Variants in DNAH5 observed in about 807,000 individuals in gnomAD.
DNAH5 encodes axonemal beta dynein heavy chain 5.
In DNAH5, 372 loss-of-function variants were observed where a neutral mutation model predicts 518.2. That is an observed-to-expected ratio of 0.72 (90% CI 0.66 to 0.78). The LOEUF (loss-of-function observed/expected upper bound fraction) is 0.78, where lower values mean the gene tolerates loss of function less well. Among genes scored for constraint, DNAH5 ranks in the 30% least tolerant of loss-of-function variants. DNAH5 has a pLI of 0.00. For missense variants in DNAH5, 5,523 were observed against 5,687.0 expected (o/e 0.97, Z 0.93); for synonymous variants, 2,039 against 2,025.9 (o/e 1.01, Z -0.17).
intron 1 of DNAH5, among the ~76,000 whole-genome samples, chr5:13,979,902 G>A (rs1462967665): frequency 6.7e-6 from 1 of 149,884 alleles, no homozygotes; most frequent in African/African-American, 2.5e-5. Context: ...GTGCAGTGGA[G>A]CAATTTGGCT....
At position 13,708,262 on chromosome 5, in the gene DNAH5, A is replaced by G. The variant is rs1432614095; in HGVS notation, c.13199T>C (p.Met4400Thr). Residue 4400 changes from methionine (M) to threonine (T), a missense_variant, in exon 76 of 79, where the codon ATG becomes ACG. This residue lies in a region of DNAH5 where 387 missense variants were observed against 430.0 expected (regional missense o/e 0.90). Transcript: ENST00000265104. ...GCGGACAAGGCTGAGTACCCTTTGC[A>G]TTCTGTCTATTTCCTGCCTGAGGAA... ...NIFLRQEIDR[M>T]QRVLSLVRST... 25 of 1,614,004 alleles carry G rather than the reference A, an allele frequency of 1.5e-5. No homozygotes were observed. The highest frequency in any genetic ancestry group is 1.9e-5 in the Non-Finnish European group (23 of 1,180,012).
At chr5:13,766,941 CT>C (rs1752588148) in intron 58 of DNAH5, among the ~76,000 whole-genome samples, 1 of 152,158 alleles carries the variant, frequency 6.6e-6, no homozygotes, top group African/African-American at 2.4e-5. Context: ...CCTTCCAGAT[CT>C]TCAAAACATC....
At position 13,866,116 on chromosome 5, in the gene DNAH5, A is replaced by C. The variant is rs11958084; in HGVS notation, c.4116+104T>G. 2,391 of 1,080,378 alleles carry C rather than the reference A, an allele frequency of 2.2e-3. 35 individuals carry two copies. In the African/African-American group the frequency reaches 0.033, roughly 15 times the overall value. 66.9% of individuals were successfully genotyped at this position (1,080,378 alleles called of 1,614,324 possible). On this transcript the variant is annotated intron_variant, in intron 26 of 78. Coordinates refer to ENST00000265104, the MANE Select transcript of DNAH5 (RefSeq NM_001369.3). ...TATTTTTAATGCAAGTACATACCAT[A>C]TTCCACAATAGGGCCCTCTATCTTA...
intron 31 of DNAH5, among the ~76,000 whole-genome samples, chr5:13,848,385 C>G (rs1047904413): frequency 6.6e-6 from 1 of 152,164 alleles, no homozygotes. Context: ...TTTTTGCCAC[C>G]AGGGACCAAT....
intron 78 of DNAH5, among the ~76,000 whole-genome samples, chr5:13,693,537 C>T (rs1336912426): frequency 1.3e-5 from 2 of 152,130 alleles, no homozygotes; most frequent in Non-Finnish European, 2.9e-5. Flanking sequence ...ATCCTAAAGC[C>T]GTGATTCTTA....
chr5:13,749,205 C>A (rs2030759636), intron 65 of DNAH5, among the ~76,000 whole-genome samples: 1 of 151,948 alleles, frequency 6.6e-6, no homozygotes, highest in Non-Finnish European at 1.5e-5. Flanking sequence ...CGTTATAATG[C>A]TGTTCACATT....
At chr5:13,744,169 C>G (rs1749011695) in intron 65 of DNAH5, among the ~76,000 whole-genome samples, 1 of 151,880 alleles carries the variant, frequency 6.6e-6, no homozygotes, top group African/African-American at 2.4e-5. Context: ...GAATAAAATC[C>G]TGTCATTCAC....
At chr5:13,999,555 T>C (rs1293894629) in intron 1 of DNAH5, among the ~76,000 whole-genome samples, 1 of 152,254 alleles carries the variant, frequency 6.6e-6, no homozygotes, top group Non-Finnish European at 1.5e-5. Context: ...TATTCCACTG[T>C]ATGTATACAG....
At position 13,751,197 on chromosome 5, in the gene DNAH5, A is replaced by G. The variant is rs1489390120; in HGVS notation, c.11092T>C (p.Leu3698=). 2 of 1,613,924 alleles carry G rather than the reference A, an allele frequency of 1.2e-6. No homozygotes were observed. Among genetic ancestry groups the G allele is most frequent in the Admixed American group, 3.3e-5 (2 of 59,980 alleles). ...DGFRLYITTK[L]PNPAYTPEIS... is the part of the protein sequence containing the mutation. ...TCAGGGGTGTAGGCTGGGTTAGGCA[A>G]TTTGGTGGTAATGTAGAGTCTAAAG... Residue 3698 remains leucine, a synonymous_variant, in exon 65 of 79, where the codon TTG becomes CTG. Transcript: ENST00000265104.
intron 78 of DNAH5, among the ~76,000 whole-genome samples, chr5:13,697,641 G>A (rs55678636): frequency 0.014 from 2,079 of 152,052 alleles, 41 homozygotes; most frequent in African/African-American, 0.047. Context: ...CCATTTCCAC[G>A]TCTACCTGAA....
At chr5:13,782,193 A>G (rs1580211438) in intron 52 of DNAH5, among the ~76,000 whole-genome samples, 1 of 152,102 alleles carries the variant, frequency 6.6e-6, no homozygotes, top group Non-Finnish European at 1.5e-5. Flanking sequence ...CAGGGACTGG[A>G]AGGGGTCACT....
At chr5:13,788,505 G>A (rs932183948) in intron 51 of DNAH5, among the ~76,000 whole-genome samples, 1 of 152,090 alleles carries the variant, frequency 6.6e-6, no homozygotes. Context: ...ATATCCAAGC[G>A]TGATATGCAT....
intron 29 of DNAH5, among the ~76,000 whole-genome samples, chr5:13,861,925 C>T (rs764004571): frequency 7.6e-5 from 10 of 131,472 alleles, no homozygotes; most frequent in Non-Finnish European, 1.4e-4. Context: ...TGCACTCCAG[C>T]CTGGGTGACA....
intron 22 of DNAH5, among the ~76,000 whole-genome samples, chr5:13,872,932 A>C (rs753605279): frequency 6.6e-6 from 1 of 152,168 alleles, no homozygotes; most frequent in Non-Finnish European, 1.5e-5. Context: ...AGAATGATAG[A>C]TAATAGAGAC....
intron 17 of DNAH5, among the ~76,000 whole-genome samples, chr5:13,886,969 T>C (rs539327823): frequency 6.6e-6 from 1 of 152,348 alleles, no homozygotes; most frequent in Non-Finnish European, 1.5e-5. Flanking sequence ...TTGTTATTAT[T>C]ATTGGTTGGA....
chr5:13,720,202 T>C (rs945140968), intron 71 of DNAH5, among the ~76,000 whole-genome samples: 1 of 123,084 alleles, frequency 8.1e-6, no homozygotes, highest in African/African-American at 3.1e-5. Context: ...TTTCCTTATA[T>C]TTTCTTCAGA....
intron 53 of DNAH5, among the ~76,000 whole-genome samples, chr5:13,778,596 AAG>A (rs199841746): frequency 0.013 from 1,282 of 102,116 alleles, 50 homozygotes; most frequent in East Asian, 0.025. Context: ...GAAAGAAAGA[AAG>A]AGAGAGAGAA....
chr5:13,824,273 T>C lies in DNAH5; in HGVS notation c.6505A>G (p.Lys2169Glu), dbSNP rs760850762. The C allele has an allele frequency of 1.2e-6, 2 of 1,614,116 alleles. No homozygotes were observed. Among genetic ancestry groups the C allele is most frequent in the Non-Finnish European group, 1.7e-6 (2 of 1,179,980 alleles). The stretch of plus-strand genomic sequence containing the variant: ...TCCGTATCCATTGGATTGGCTCTTT[T>C]TGCTGCTCCCAAGGTCCGAAGAACT... ...LSVLRTLGAA[K>E]RANPMDTEST... is the part of the protein sequence containing the mutation. The change falls in exon 39 of 79, where the codon AAA becomes GAA. Residue 2169 changes from lysine to glutamate, a missense_variant. This residue lies in a region of DNAH5 where 5,121 missense variants were observed against 5,223.3 expected (regional missense o/e 0.98). Coordinates refer to ENST00000265104, the MANE Select transcript of DNAH5 (RefSeq NM_001369.3).
At chr5:13,891,995 C>T (rs541576218) in intron 16 of DNAH5, among the ~76,000 whole-genome samples, 7 of 152,248 alleles carry the variant, frequency 4.6e-5, no homozygotes, top group African/African-American at 1.4e-4. Context: ...GGAAATAAAG[C>T]TGAAATTGAA....
Sources: allele counts gnomAD v4.1 joint callset (sites outside exome capture counted in the v4.1 genomes callset), GRCh38; gene constraint gnomAD v4.1.1; regional missense constraint gnomAD v4.1.1; transcripts MANE v1.5; gene names NCBI Gene and HGNC (gene_info 2026-07-23, HGNC 2026-07-21).